The following SYNE2 variants were observed in gnomAD, a reference collection of about 807,000 sequenced individuals.
The protein encoded by SYNE2 is spectrin repeat containing nuclear envelope protein 2, also known as nesprin-2.
Under a neutral mutation model 856.3 loss-of-function variants are expected in SYNE2, and 431 were observed. The ratio of observed to expected loss-of-function variants is 0.50; its 90% CI spans 0.47 to 0.55. SYNE2 has a LOEUF of 0.55. Ranked by LOEUF, SYNE2 falls within the 20% of genes least tolerant of loss-of-function variation. SYNE2 has a pLI of 0.00. For missense variants in SYNE2, 8,129 were observed against 8,023.2 expected (o/e 1.01, Z -0.50); for synonymous variants, 2,923 against 2,872.3 (o/e 1.02, Z -0.56).
chr14:64,064,609 A>G (rs1407183257), intron 50 of SYNE2, among the ~76,000 whole-genome samples: 2 of 147,292 alleles, frequency 1.4e-5, no homozygotes, highest in Non-Finnish European at 3.0e-5. Flanking sequence ...GCTGGAGTAC[A>G]ATGGTGCAAT....
intron 74 of SYNE2, among the ~76,000 whole-genome samples, chr14:64,129,573 T>C (rs2097990753): frequency 6.6e-6 from 1 of 152,166 alleles, no homozygotes; most frequent in Non-Finnish European, 1.5e-5. Context: ...TTTAGGGATA[T>C]GCATGTCTAC....
intron 85 of SYNE2, among the ~76,000 whole-genome samples, chr14:64,153,503 C>CA (rs1039054460): frequency 3.3e-5 from 5 of 152,052 alleles, no homozygotes; most frequent in African/African-American, 1.2e-4. Flanking sequence ...CCATTTGTAC[C>CA]AAGAGGGAAT....
intron 6 of SYNE2, 103 bp from the exon 7 acceptor site, chr14:63,949,718 ATGAC>A: frequency 1.8e-6 from 2 of 1,102,760 alleles, no homozygotes; most frequent in Non-Finnish European, 2.8e-6. Flanking sequence ...GGAGTAAACT[ATGAC>A]TGTCACAGGA....
intron 1 of SYNE2, among the ~76,000 whole-genome samples, chr14:63,829,797 T>C (rs1889598996): frequency 6.6e-6 from 1 of 151,940 alleles, no homozygotes; most frequent in Non-Finnish European, 1.5e-5. Context: ...TTTTTATTTT[T>C]GGGGTAGACG....
chr14:64,053,617 A>G lies in SYNE2; in HGVS notation c.9704A>G (p.Asp3235Gly), dbSNP rs1322775659. ...GAGACAAAACTACGTGAGTTTGAAG[A>G]TCTTCAGATGCAGCTTAACACAAGC... ...DVETKLREFE[D>G]LQMQLNTSID... The change falls in exon 48 of 116, where the codon GAT (aspartate) becomes GGT (glycine). Residue 3235 changes from aspartate (D) to glycine (G), a missense_variant. Asp to Gly is a moderately conservative substitution (Grantham distance 94). Transcript: ENST00000555002. 20 of 1,613,024 alleles carry G rather than the reference A, an allele frequency of 1.2e-5. No individual in the cohort carries two copies. The Admixed American group carries it at 3.0e-4, about 24-fold the overall frequency.
In SYNE2 at chr14:63,808,043, T is replaced by TTACA. The variant is rs1888450593; in HGVS notation, c.-304-44456_-304-44453dup. ...CCTTCCTCCTAGTCCCCAAAGTCCA[T>TTACA]TACATCATTCTTATGCCTTTGCGTC... On this transcript the variant is annotated intron_variant, in intron 1 of 23. Transcript: ENST00000674003. Among the ~76,000 whole-genome samples the TTACA allele has an allele frequency of 5.5e-5, 5 of 90,490 alleles. No homozygotes were observed. In the South Asian group the frequency reaches 2.2e-3, roughly 40 times the overall value. The allele number at this position is 90,490 out of a possible 152,430, so 59.4% of individuals were successfully genotyped here.
At chr14:63,784,636 A>G (rs533567442) in intron 1 of SYNE2, among the ~76,000 whole-genome samples, 47 of 152,132 alleles carry the variant, frequency 3.1e-4, no homozygotes, top group Admixed American at 2.1e-3. Flanking sequence ...CTGGGATTAC[A>G]GGAATGAGCC....
intron 44 of SYNE2, among the ~76,000 whole-genome samples, chr14:64,030,559 T>C (rs866766096): frequency 2.0e-5 from 3 of 152,376 alleles, no homozygotes; most frequent in African/African-American, 7.2e-5. Flanking sequence ...TTTTCTGCTA[T>C]ATTTAAGATA....
At chr14:63,948,760 GTATATATATGTA>G (rs2096084586) in intron 6 of SYNE2, among the ~76,000 whole-genome samples, 1 of 54,958 alleles carries the variant, frequency 1.8e-5, no homozygotes, top group Admixed American at 2.3e-4. Flanking sequence ...GTATATATAT[GTATATATATGTA>G]TGTGTGTGTG....
At chr14:64,015,817 C>T (rs966270010) in intron 32 of SYNE2, among the ~76,000 whole-genome samples, 2 of 151,924 alleles carry the variant, frequency 1.3e-5, no homozygotes, top group African/African-American at 2.4e-5. Flanking sequence ...TTAATGTATG[C>T]ATTTAGTGCT....
intron 99 of SYNE2, among the ~76,000 whole-genome samples, chr14:64,199,542 A>C (rs2098552746): frequency 6.6e-6 from 1 of 151,912 alleles, no homozygotes; most frequent in Non-Finnish European, 1.5e-5. Flanking sequence ...ACATGGGGAA[A>C]CCCTGTCTCT....
intron 65 of SYNE2, 142 bp downstream of exon 65, chr14:64,107,749 C>A: frequency 1.3e-6 from 1 of 773,620 alleles, no homozygotes; most frequent in Non-Finnish European, 2.3e-6. Context: ...TATGTGCTGT[C>A]AAGCTGTAGA....
At position 64,052,707 on chromosome 14, in the gene SYNE2, C is replaced by G; in HGVS notation, c.8794C>G (p.Gln2932Glu). ...IRTNRIQRFI[Q>E]NTCNEVEHKI... Reference sequence around the variant, plus strand: ...GACCAACAGAATACAAAGATTCATTCAGAATACATGTAATGAAGTGGAACA... The same window carrying G: ...GACCAACAGAATACAAAGATTCATTGAGAATACATGTAATGAAGTGGAACA... Residue 2932 changes from glutamine to glutamate, a missense_variant, in exon 48 of 116, where the codon CAG (glutamine) becomes GAG (glutamate). Transcript: ENST00000555002. The G allele has an allele frequency of 2.5e-6, 4 of 1,613,640 alleles. No individual in the cohort carries two copies. The highest frequency in any genetic ancestry group is 3.4e-6 in the Non-Finnish European group (4 of 1,179,734).
Position 64,119,496 on chromosome 14 carries a change from G to T in SYNE2, c.12910G>T (p.Asp4304Tyr). ...LETCKDQGLGDNGATQHEAEA... is the reference protein window; with the variant it reads ...LETCKDQGLGYNGATQHEAEA... ...GACTTGCAAAGATCAGGGCCTGGGA[G>T]ATAATGGAGCCACTCAACATGAGGC... Residue 4304 changes from aspartate (D) to tyrosine (Y), a missense_variant, in exon 67 of 116, where the codon GAT (aspartate) becomes TAT (tyrosine). Physicochemically the swap from Asp to Tyr is radical, Grantham distance 160 (BLOSUM62 -3). Transcript: ENST00000555002. 2.5e-6 allele frequency: 4 copies of T among 1,614,224 alleles called. No homozygotes were observed. Among genetic ancestry groups the T allele is most frequent in the Non-Finnish European group, 2.5e-6 (3 of 1,180,040 alleles).
In SYNE2 at chr14:63,824,416, A is replaced by C. The variant is rs141181623; in HGVS notation, c.-304-28085A>C. 5.7e-3 allele frequency among the ~76,000 whole-genome samples: 868 copies of C among 152,226 alleles called. 5 individuals carry two copies. Among genetic ancestry groups the C allele is most frequent in the African/African-American group, 0.019 (808 of 41,530 alleles). The stretch of plus-strand genomic sequence containing the variant: ...CACTTTGGGAGGCCGAGGTGGGTGG[A>C]TCACCTAAGGTCAGGAGTTCAAGAC... On this transcript the variant is annotated intron_variant, in intron 1 of 23. Coordinates refer to the SYNE2 transcript ENST00000674003.
chr14:63,890,605 C>T (rs2095108935), intron 1 of SYNE2, among the ~76,000 whole-genome samples: 1 of 152,044 alleles, frequency 6.6e-6, no homozygotes, highest in Admixed American at 6.6e-5. Context: ...CAGAGAGAAA[C>T]TTTGCTTCTG....
At chr14:64,167,412 T>C (rs1261519506) in intron 91 of SYNE2, 25 bp downstream of exon 91, 7 of 1,614,236 alleles carry the variant, frequency 4.3e-6, no homozygotes, top group South Asian at 3.3e-5. Flanking sequence ...TCTCTGTCGT[T>C]GTTTCAATTA....
chr14:63,837,739 AC>A (rs199816356), intron 1 of SYNE2, among the ~76,000 whole-genome samples: 2 of 150,606 alleles, frequency 1.3e-5, no homozygotes, highest in Admixed American at 6.7e-5. Flanking sequence ...ATATAGTAAG[AC>A]CCCCCTGTCT....
intron 99 of SYNE2, among the ~76,000 whole-genome samples, chr14:64,196,227 G>A (rs1282846958): frequency 2.6e-5 from 4 of 152,186 alleles, no homozygotes; most frequent in African/African-American, 7.2e-5. Context: ...ATGACTAAAT[G>A]TTGGTCTTTA....
Sources: allele counts gnomAD v4.1 joint callset (sites outside exome capture counted in the v4.1 genomes callset), GRCh38; gene constraint gnomAD v4.1.1; transcripts MANE v1.5; gene names NCBI Gene and HGNC (gene_info 2026-07-23, HGNC 2026-07-21).